The following ZNF519 variants were observed in gnomAD, a reference collection of about 807,000 sequenced individuals.
The protein encoded by ZNF519 is zinc finger protein 519.
In ZNF519, 7 loss-of-function variants were observed where a neutral mutation model predicts 7.4. The ratio of observed to expected loss-of-function variants is 0.94; its 90% confidence interval spans 0.54 to 1.77. The LOEUF (loss-of-function observed/expected upper bound fraction) is 1.77, where lower values mean the gene tolerates loss of function less well. Among genes scored for constraint, ZNF519 ranks in the 40% most tolerant of loss-of-function variants. The pLI, the probability that ZNF519 is intolerant of heterozygous loss-of-function variation, is 0.00. For missense variants in ZNF519, 586 were observed against 623.1 expected (o/e 0.94, Z 0.63); for synonymous variants, 179 against 203.3 (o/e 0.88, Z 1.02).
intron 2 of ZNF519, among the ~76,000 whole-genome samples, chr18:14,120,771 T>C (rs547704268): frequency 5.3e-5 from 8 of 152,190 alleles, no homozygotes; most frequent in Admixed American, 5.2e-4. Flanking sequence ...ATCCTGTATG[T>C]TGTCAGTGAG....
intron 2 of ZNF519, among the ~76,000 whole-genome samples, chr18:14,085,767 C>G (rs2046088095): frequency 6.6e-6 from 1 of 152,126 alleles, no homozygotes; most frequent in Admixed American, 6.5e-5. Context: ...AACACAGGGC[C>G]AGGGAGAACC....
At chr18:14,088,149 C>A (rs1056115055) in intron 2 of ZNF519, among the ~76,000 whole-genome samples, 2 of 152,166 alleles carry the variant, frequency 1.3e-5, no homozygotes, top group Non-Finnish European at 2.9e-5. Context: ...ACAATTATCC[C>A]GTTTTAGCAA....
chr18:14,090,042 T>C (rs1313499033), intron 2 of ZNF519: 1 of 152,208 alleles, frequency 6.6e-6, no homozygotes, highest in East Asian at 1.9e-4. Context: ...ACTGTGGAGA[T>C]GCTCGGTCCA....
chr18:14,110,020 C>T lies in ZNF519; in HGVS notation c.131-3611G>A, dbSNP rs565721833. On this transcript the variant is annotated intron_variant, in intron 2 of 2. Coordinates refer to ENST00000590202, the MANE Select transcript of ZNF519 (RefSeq NM_145287.4). ...AGACCAATGAAGCATAATAGAGAATCCAGAAATTAAGCCAAATACAGGCAA... is the reference window on the plus strand; with the variant it reads ...AGACCAATGAAGCATAATAGAGAATTCAGAAATTAAGCCAAATACAGGCAA... Among the ~76,000 whole-genome samples the T allele has an allele frequency of 2.0e-5, 3 of 152,080 alleles. No homozygotes were observed. The South Asian group carries it at 6.2e-4, about 32-fold the overall frequency.
chr18:14,104,857 T>A lies in ZNF519; in HGVS notation c.*60A>T. ...TCTATCCAGTATTGATTTTCTAATG[T>A]TGAGTAAGGTGTGAGCACCAGTTTA... On this transcript the variant is annotated 3_prime_UTR_variant, in exon 3 of 3. Transcript: ENST00000590202. 1 of 1,443,140 alleles carries A rather than the reference T, an allele frequency of 6.9e-7. No individual in the cohort carries two copies. Among genetic ancestry groups the A allele is most frequent in the African/African-American group, 1.4e-5 (1 of 70,884 alleles). 89.4% of individuals were successfully genotyped at this position (1,443,140 alleles called of 1,614,324 possible).
At chr18:14,082,210 G>C (rs913497805) in intron 3 of ZNF519, 1 of 151,992 alleles carries the variant, frequency 6.6e-6, no homozygotes, top group Non-Finnish European at 1.5e-5. Flanking sequence ...TAAATCAAAA[G>C]ATTAAAAATC....
At chr18:14,106,464 C>G in intron 2 of ZNF519, 55 bp from the exon 3 acceptor site, 2 of 1,427,114 alleles carry the variant, frequency 1.4e-6, no homozygotes, top group Non-Finnish European at 1.9e-6. Flanking sequence ...GTTGAATATA[C>G]TTTACAAATC....
At chr18:14,079,808 A>G (rs2046063228) in intron 3 of ZNF519, among the ~76,000 whole-genome samples, 1 of 152,232 alleles carries the variant, frequency 6.6e-6, no homozygotes, top group South Asian at 2.1e-4. Flanking sequence ...TTCCTAAAAG[A>G]TAGCACACAG....
In ZNF519 at chr18:14,105,242, T is replaced by G. The variant is rs761900267; in HGVS notation, c.1298A>C (p.Lys433Thr). Residue 433 changes from lysine (K) to threonine (T), a missense_variant, in exon 3 of 3, where the codon AAA (lysine) becomes ACA (threonine). Lys to Thr is a moderately conservative substitution (Grantham distance 78). Coordinates refer to ENST00000590202, the MANE Select transcript of ZNF519 (RefSeq NM_145287.4). ...QRIHTGEKHF[K>T]CKECGKAFNR... The stretch of plus-strand genomic sequence containing the variant: ...AAAGGCTTTGCCACATTCTTTACAT[T>G]TGAAGTGTTTCTCTCCAGTATGGAT... 6.4e-7 allele frequency: 1 copy of G among 1,571,604 alleles called. No homozygotes were observed.
downstream of ZNF519, among the ~76,000 whole-genome samples, chr18:14,096,902 G>A (rs1470312957): frequency 1.3e-5 from 2 of 152,166 alleles, no homozygotes; most frequent in Non-Finnish European, 2.9e-5. Context: ...GCTGGGAAGT[G>A]GACACAGATG....
chr18:14,097,775 A>C (rs1178664355), downstream of ZNF519, among the ~76,000 whole-genome samples: 1 of 152,166 alleles, frequency 6.6e-6, no homozygotes, highest in African/African-American at 2.4e-5. Flanking sequence ...TTTATGCAAG[A>C]TCAGTAGGAT....
At chr18:14,074,391 T>A (rs2046039765), downstream of ZNF519, 1 of 152,406 alleles carries the variant, frequency 6.6e-6, no homozygotes, top group South Asian at 2.1e-4. Context: ...CAGGGAGTGA[T>A]GGAGCCCTCC....
At chr18:14,091,195 A>T (rs189155903) in intron 2 of ZNF519, among the ~76,000 whole-genome samples, 5 of 152,154 alleles carry the variant, frequency 3.3e-5, no homozygotes, top group South Asian at 2.1e-4. Flanking sequence ...TAATGGATAA[A>T]TTTTTTTTAT....
At chr18:14,107,669 G>C (rs2046200095) in intron 2 of ZNF519, among the ~76,000 whole-genome samples, 1 of 152,066 alleles carries the variant, frequency 6.6e-6, no homozygotes, top group Admixed American at 6.6e-5. Context: ...GGCACTTCTG[G>C]ACCTGCGCTG....
intron 1 of ZNF519, among the ~76,000 whole-genome samples, chr18:14,126,638 T>C (rs2046300680): frequency 6.6e-6 from 1 of 152,212 alleles, no homozygotes; most frequent in Non-Finnish European, 1.5e-5. Flanking sequence ...TCTAATGACA[T>C]ACGAAATAGA....
intron 2 of ZNF519, chr18:14,122,220 T>TAA (rs1439911723): frequency 6.6e-6 from 1 of 152,200 alleles, no homozygotes; most frequent in Non-Finnish European, 1.5e-5. Context: ...TCTAAAGCAG[T>TAA]AACACTTTGA....
At chr18:14,099,713 C>G (rs1393737168), downstream of ZNF519, among the ~76,000 whole-genome samples, 1 of 152,138 alleles carries the variant, frequency 6.6e-6, no homozygotes, top group Non-Finnish European at 1.5e-5. Context: ...TTAGGCTCCT[C>G]CTCCAGCTAT....
At chr18:14,074,079 T>A (rs1169662163), downstream of ZNF519, 2 of 152,262 alleles carry the variant, frequency 1.3e-5, no homozygotes, top group African/African-American at 4.8e-5. Flanking sequence ...AACAGCCCTG[T>A]AGTCATCTGT....
chr18:14,127,809 C>T (rs1434698900), intron 1 of ZNF519, among the ~76,000 whole-genome samples: 1 of 152,012 alleles, frequency 6.6e-6, no homozygotes, highest in Admixed American at 6.6e-5. Context: ...CTGTAGATTC[C>T]AAAGAGAGAC....
Sources: allele counts gnomAD v4.1 joint callset (sites outside exome capture counted in the v4.1 genomes callset), GRCh38; gene constraint gnomAD v4.1.1; transcripts MANE v1.5; gene names NCBI Gene and HGNC (gene_info 2026-07-23, HGNC 2026-07-21).